The following EYA1 variants were observed in gnomAD, a reference collection of about 807,000 sequenced individuals.
The protein encoded by EYA1 is EYA transcriptional coactivator and phosphatase 1, also known as protein phosphatase EYA1.
Under a neutral mutation model 82.0 loss-of-function variants are expected in EYA1, and 16 were observed. The observed-to-expected ratio is 0.20, with a 90% CI of 0.13 to 0.30. EYA1 has a LOEUF of 0.30. Ranked by LOEUF, EYA1 falls within the 10% of genes least tolerant of loss-of-function variation. The pLI is 1.00. For missense variants in EYA1, 633 were observed against 730.7 expected, an observed-to-expected ratio of 0.87 and a Z score of 1.54; for synonymous variants, 261 against 264.4, an observed-to-expected ratio of 0.99 and a Z score of 0.12.
intron 2 of EYA1, among the ~76,000 whole-genome samples, chr8:71,395,679 C>A (rs1233180794): frequency 6.6e-6 from 1 of 152,084 alleles, no homozygotes; most frequent in African/African-American, 2.4e-5. Flanking sequence ...TGATGTGCTG[C>A]AGGATTCGGC....
chr8:71,526,595 C>G (rs1393895907), intron 2 of EYA1, among the ~76,000 whole-genome samples: 1 of 152,178 alleles, frequency 6.6e-6, no homozygotes, highest in African/African-American at 2.4e-5. Flanking sequence ...GGCTCACTCC[C>G]ATGGTTGTTG....
intron 11 of EYA1, 65 bp downstream of exon 11, chr8:71,269,675 T>C (rs1324772743): frequency 1.8e-6 from 2 of 1,132,200 alleles, no homozygotes; most frequent in African/African-American, 3.1e-5. Flanking sequence ...TTCATTTGGA[T>C]AATAAACAAA....
intron 12 of EYA1, among the ~76,000 whole-genome samples, chr8:71,238,609 C>CT (rs1461642855): frequency 6.6e-6 from 1 of 151,958 alleles, no homozygotes; most frequent in Non-Finnish European, 1.5e-5. Flanking sequence ...GTAACTACCG[C>CT]TATTTTAAAT....
At chr8:71,468,219 A>G (rs1808917068) in intron 2 of EYA1, among the ~76,000 whole-genome samples, 1 of 152,150 alleles carries the variant, frequency 6.6e-6, no homozygotes, top group Non-Finnish European at 1.5e-5. Context: ...AGTTCATCCC[A>G]TTAGGCAAAG....
chr8:71,474,029 T>A (rs954182722), intron 2 of EYA1, among the ~76,000 whole-genome samples: 2 of 151,728 alleles, frequency 1.3e-5, no homozygotes, highest in Admixed American at 1.3e-4. Flanking sequence ...GAGGGGAACA[T>A]CACATACCGG....
chr8:71,254,259 A>G (rs939866327), intron 11 of EYA1, among the ~76,000 whole-genome samples: 3 of 150,636 alleles, frequency 2.0e-5, no homozygotes, highest in Admixed American at 1.3e-4. Flanking sequence ...AAAAAAAAAA[A>G]AAAAAAAAAG....
chr8:71,362,101 C>T (rs1402993226), upstream of EYA1: 1 of 984,892 alleles, frequency 1.0e-6, no homozygotes, highest in Non-Finnish European at 1.2e-6. Context: ...AGAATCTCAT[C>T]CCTCGATTTG....
chr8:71,294,504 A>G (rs1266384547), intron 9 of EYA1, among the ~76,000 whole-genome samples: 2 of 152,174 alleles, frequency 1.3e-5, no homozygotes. Flanking sequence ...CATCAATACT[A>G]GAGAGGGAAA....
chr8:71,281,639 C>A (rs1376786300), intron 9 of EYA1, among the ~76,000 whole-genome samples: 1 of 152,214 alleles, frequency 6.6e-6, no homozygotes, highest in African/African-American at 2.4e-5. Context: ...GGGGTTTGAT[C>A]AGATTTAACA....
At chr8:71,471,033 T>A (rs1006084066) in intron 2 of EYA1, 4 of 403,456 alleles carry the variant, frequency 9.9e-6, no homozygotes, top group Non-Finnish European at 1.9e-5. Flanking sequence ...ACTTAACTCA[T>A]CTTGAGACAT....
At chr8:71,406,573 G>A (rs906116631) in intron 2 of EYA1, among the ~76,000 whole-genome samples, 1 of 152,184 alleles carries the variant, frequency 6.6e-6, no homozygotes, top group African/African-American at 2.4e-5. Flanking sequence ...AAGCACAAGG[G>A]GTCAGGGAGT....
intron 2 of EYA1, among the ~76,000 whole-genome samples, chr8:71,513,789 T>A (rs1217873629): frequency 6.6e-6 from 1 of 152,114 alleles, no homozygotes; most frequent in Non-Finnish European, 1.5e-5. Flanking sequence ...CTCTATGATG[T>A]CCTTGAGTTC....
At chr8:71,384,755 G>T (rs76702780) in intron 2 of EYA1, among the ~76,000 whole-genome samples, 1,998 of 152,252 alleles carry the variant, frequency 0.013, 43 homozygotes, top group African/African-American at 0.045. Flanking sequence ...AAAGGCAAAA[G>T]GCAATTCAAC....
At chr8:71,249,814 T>TA (rs1813530108) in intron 11 of EYA1, among the ~76,000 whole-genome samples, 1 of 152,144 alleles carries the variant, frequency 6.6e-6, no homozygotes, top group Non-Finnish European at 1.5e-5. Flanking sequence ...AGATGTCCCA[T>TA]AAAGCACCTG....
At position 71,340,514 on chromosome 8, in the gene EYA1, T is replaced by C. The variant is rs76571010; in HGVS notation, c.125-6340A>G. Reference sequence around the variant, plus strand: ...CTTTGTAGTACCCTTCCCTCTGACATTGAATATTCTACAAATTTTACACGT... The same window carrying C: ...CTTTGTAGTACCCTTCCCTCTGACACTGAATATTCTACAAATTTTACACGT... On this transcript the variant is annotated intron_variant, in intron 3 of 17. Coordinates refer to ENST00000340726, the MANE Select transcript of EYA1 (RefSeq NM_000503.6). 9.1e-4 allele frequency among the ~76,000 whole-genome samples: 139 copies of C among 152,302 alleles called. 2 individuals are homozygous for C. In the East Asian group the frequency reaches 0.024, roughly 26 times the overall value.
At chr8:71,547,347 A>G (rs28471687) in intron 1 of EYA1, among the ~76,000 whole-genome samples, 8,646 of 152,110 alleles carry the variant, frequency 0.057, 308 homozygotes, top group East Asian at 0.13. Flanking sequence ...CGACGTCCCA[A>G]TCAGTTACCA....
chr8:71,246,424 CTT>C (rs1320801659), intron 11 of EYA1, among the ~76,000 whole-genome samples: 1 of 152,190 alleles, frequency 6.6e-6, no homozygotes, highest in Non-Finnish European at 1.5e-5. Context: ...AAAGAAAAGA[CTT>C]TGATTCGATA....
intron 12 of EYA1, among the ~76,000 whole-genome samples, chr8:71,230,370 G>A (rs758793434): frequency 3.3e-5 from 5 of 152,120 alleles, no homozygotes; most frequent in Non-Finnish European, 5.9e-5. Context: ...CATTTCACAC[G>A]ACTTTAAAAT....
intron 2 of EYA1, among the ~76,000 whole-genome samples, chr8:71,421,397 C>T (rs142418363): frequency 8.5e-4 from 130 of 152,252 alleles, no homozygotes; most frequent in African/African-American, 2.9e-3. Context: ...AAAAGTGATT[C>T]GCTCAAGGCC....
Sources: allele counts gnomAD v4.1 joint callset (sites outside exome capture counted in the v4.1 genomes callset), GRCh38; gene constraint gnomAD v4.1.1; transcripts MANE v1.5; gene names NCBI Gene and HGNC (gene_info 2026-07-23, HGNC 2026-07-21).